CSMD1: variants seen among roughly 807,000 people sequenced by gnomAD.
The protein encoded by CSMD1 is CUB and sushi domain-containing protein 1.
Under a neutral mutation model 417.5 loss-of-function variants are expected in CSMD1, and 213 were observed. The observed-to-expected ratio is 0.51, with a 90% CI of 0.46 to 0.57. CSMD1 has a LOEUF of 0.57. Ranked by LOEUF, CSMD1 falls within the 20% of genes least tolerant of loss-of-function variation. The pLI is 0.00. For synonymous variants in CSMD1, 2,862 were observed against 1,736.8 expected (o/e 1.65, Z -16.11); for missense variants, 6,923 against 4,529.7 (o/e 1.53, Z -15.17).
intron 10 of CSMD1, among the ~76,000 whole-genome samples, chr8:3,532,276 T>G (rs1042982144): frequency 6.6e-6 from 1 of 152,178 alleles, no homozygotes; most frequent in Non-Finnish European, 1.5e-5. Flanking sequence ...CCACTTCACA[T>G]GATTCTGCAT....
intron 1 of CSMD1, among the ~76,000 whole-genome samples, chr8:4,665,154 G>C (rs1366362617): frequency 6.6e-6 from 1 of 151,758 alleles, no homozygotes; most frequent in Non-Finnish European, 1.5e-5. Flanking sequence ...TGCATTTTTT[G>C]CTTTCTTAGG....
At chr8:4,330,084 C>T (rs12675938) in intron 3 of CSMD1, among the ~76,000 whole-genome samples, 76,499 of 151,996 alleles carry the variant, frequency 0.5, 22,745 homozygotes, top group East Asian at 0.72. Context: ...TTCTTTAGAG[C>T]AATGCAAGAA....
intron 2 of CSMD1, among the ~76,000 whole-genome samples, chr8:4,601,633 G>C (rs991709536): frequency 6.6e-6 from 1 of 152,168 alleles, no homozygotes; most frequent in Non-Finnish European, 1.5e-5. Flanking sequence ...AGATTACAAA[G>C]TATGGCGGAT....
intron 1 of CSMD1, among the ~76,000 whole-genome samples, chr8:4,764,885 A>ACAAAAAAAAAAACAAAAAAAAAC (rs1263324929): frequency 0.012 from 923 of 74,688 alleles, 8 homozygotes; most frequent in Non-Finnish European, 0.015. Context: ...AAAAAAAAAA[A>ACAAAAAAAAAAACAAAAAAAAAC]AAAAAAAAAC....
chr8:3,765,091 C>A (rs1201513133), intron 5 of CSMD1, among the ~76,000 whole-genome samples: 2 of 152,120 alleles, frequency 1.3e-5, no homozygotes, highest in Non-Finnish European at 2.9e-5. Context: ...TTCAAACACC[C>A]TTAAAAAGAG....
At chr8:3,194,454 T>TATTTTATTTTATTTC (rs1563131138) in intron 33 of CSMD1, among the ~76,000 whole-genome samples, 6 of 120,338 alleles carry the variant, frequency 5.0e-5, no homozygotes, top group Middle Eastern at 8.5e-3. Context: ...TATTTTATTT[T>TATTTTATTTTATTTC]ATTTTATTTC....
At chr8:3,749,017 A>C (rs1797190828) in intron 6 of CSMD1, among the ~76,000 whole-genome samples, 1 of 152,238 alleles carries the variant, frequency 6.6e-6, no homozygotes, top group South Asian at 2.1e-4. Flanking sequence ...TAATTTTATA[A>C]ACAGCCGGGT....
At chr8:4,856,636 C>G (rs1298459083) in intron 1 of CSMD1, among the ~76,000 whole-genome samples, 1 of 146,708 alleles carries the variant, frequency 6.8e-6, no homozygotes, top group Non-Finnish European at 1.5e-5. Flanking sequence ...ATAAAACAGA[C>G]TTTAAACCAA....
At chr8:4,666,199 T>C (rs1465274483) in intron 1 of CSMD1, among the ~76,000 whole-genome samples, 1 of 152,150 alleles carries the variant, frequency 6.6e-6, no homozygotes, top group Non-Finnish European at 1.5e-5. Context: ...AAGTCCTACT[T>C]CCTGGAAACT....
chr8:4,444,189 A>C (rs1389400648), intron 2 of CSMD1, among the ~76,000 whole-genome samples: 1 of 151,788 alleles, frequency 6.6e-6, no homozygotes, highest in African/African-American at 2.4e-5. Context: ...TAAAAATATA[A>C]AAACTAGCCA....
In CSMD1 at chr8:3,056,731, C is replaced by T. The variant is rs138479150; in HGVS notation, c.7475-4084G>A. On this transcript the variant is annotated intron_variant, in intron 49 of 69. Transcript: ENST00000635120. ...ATGTAAGAATTTTTTATTAAAGATA[C>T]GTATTTATATGAATATGTATATATA... is the stretch of plus-strand genomic sequence containing the variant. Among the ~76,000 whole-genome samples, 340 of 149,964 alleles carry T rather than the reference C, an allele frequency of 2.3e-3. 3 individuals are homozygous for T. Among genetic ancestry groups the T allele is most frequent in the Admixed American group, 4.2e-3 (62 of 14,846 alleles).
chr8:4,012,840 G>A (rs762565012), intron 4 of CSMD1, among the ~76,000 whole-genome samples: 2 of 152,118 alleles, frequency 1.3e-5, no homozygotes, highest in Non-Finnish European at 2.9e-5. Flanking sequence ...TGCACGAGAA[G>A]ACACACGGTG....
At chr8:4,116,144 C>G (rs1420798479) in intron 3 of CSMD1, among the ~76,000 whole-genome samples, 4 of 151,974 alleles carry the variant, frequency 2.6e-5, no homozygotes, top group African/African-American at 9.7e-5. Flanking sequence ...CAGGCGCGTA[C>G]CACCGCACCC....
At chr8:4,504,504 G>A (rs949541344) in intron 2 of CSMD1, among the ~76,000 whole-genome samples, 1 of 152,132 alleles carries the variant, frequency 6.6e-6, no homozygotes, top group African/African-American at 2.4e-5. Flanking sequence ...TGGAATACAT[G>A]TGCAGAACAT....
At chr8:2,999,314 C>A (rs1276862167) in intron 53 of CSMD1, among the ~76,000 whole-genome samples, 2 of 152,014 alleles carry the variant, frequency 1.3e-5, no homozygotes, top group Non-Finnish European at 2.9e-5. Context: ...TGCCACCATG[C>A]CAGGCTAATT....
intron 10 of CSMD1, among the ~76,000 whole-genome samples, chr8:3,559,375 G>C (rs1799368743): frequency 6.6e-6 from 1 of 152,182 alleles, no homozygotes; most frequent in African/African-American, 2.4e-5. Context: ...CTGATGGGAA[G>C]AAATACTAAG....
At chr8:4,081,004 C>G (rs368487472) in intron 3 of CSMD1, among the ~76,000 whole-genome samples, 3 of 152,130 alleles carry the variant, frequency 2.0e-5, no homozygotes, top group Admixed American at 1.3e-4. Context: ...GTATTCATCC[C>G]CTTTTCGCCT....
chr8:3,535,437 C>G (rs962451588), intron 10 of CSMD1, among the ~76,000 whole-genome samples: 3 of 152,136 alleles, frequency 2.0e-5, no homozygotes, highest in African/African-American at 7.2e-5. Context: ...CCCTCCGGTT[C>G]CATCCACATT....
intron 3 of CSMD1, among the ~76,000 whole-genome samples, chr8:4,379,993 T>C (rs545859331): frequency 1.3e-5 from 2 of 152,344 alleles, no homozygotes; most frequent in South Asian, 4.2e-4. Context: ...AGCATCAGTA[T>C]TGCAGAGAGG....
Sources: allele counts gnomAD v4.1 joint callset (sites outside exome capture counted in the v4.1 genomes callset), GRCh38; gene constraint gnomAD v4.1.1; transcripts MANE v1.5; gene names NCBI Gene and HGNC (gene_info 2026-07-23, HGNC 2026-07-21).